SDK1: variants seen among roughly 807,000 people sequenced by gnomAD.
SDK1 encodes the protein protein sidekick-1.
SDK1 carries 157 observed loss-of-function variants against 245.5 expected under a neutral mutation model. The ratio of observed to expected loss-of-function variants is 0.64; its 90% confidence interval spans 0.56 to 0.73. The LOEUF is 0.73. Ranked by LOEUF, SDK1 falls within the 30% of genes least tolerant of loss-of-function variation. The pLI, the probability that SDK1 is intolerant of heterozygous loss-of-function variation, is 0.00. For missense variants in SDK1, 3,583 were observed against 3,002.3 expected (o/e 1.19, Z -4.52); for synonymous variants, 1,647 against 1,278.5 (o/e 1.29, Z -6.15).
At chr7:3,544,476 C>A (rs895492091) in intron 1 of SDK1, among the ~76,000 whole-genome samples, 10 of 152,212 alleles carry the variant, frequency 6.6e-5, no homozygotes, top group Admixed American at 3.3e-4. Flanking sequence ...AAGTCTTTCC[C>A]AGTCACTTCT....
At chr7:4,161,697 C>A in intron 31 of SDK1, 89 bp from the exon 32 acceptor site, 1 of 1,042,380 alleles carries the variant, frequency 9.6e-7, no homozygotes, top group Non-Finnish European at 1.5e-6. Context: ...GCTCACCAGC[C>A]TCCCCATACT....
At chr7:4,218,612 G>A (rs181621420) in intron 38 of SDK1, among the ~76,000 whole-genome samples, 93 of 152,280 alleles carry the variant, frequency 6.1e-4, no homozygotes, top group African/African-American at 2.2e-3. Flanking sequence ...GATGACTGGG[G>A]TATTCCAGGT....
intron 38 of SDK1, among the ~76,000 whole-genome samples, chr7:4,214,222 T>A (rs1287032043): frequency 1.3e-5 from 2 of 151,772 alleles, no homozygotes; most frequent in East Asian, 3.9e-4. Context: ...CTGGAGCACT[T>A]GTGTTTCTGA....
intron 5 of SDK1, among the ~76,000 whole-genome samples, chr7:3,823,320 A>T (rs1043153722): frequency 2.0e-5 from 3 of 152,232 alleles, no homozygotes; most frequent in African/African-American, 7.2e-5. Context: ...TCTGTACTCA[A>T]TTGTAATATA....
At chr7:3,537,544 C>A (rs1778923185) in intron 1 of SDK1, among the ~76,000 whole-genome samples, 1 of 152,194 alleles carries the variant, frequency 6.6e-6, no homozygotes, top group Admixed American at 6.5e-5. Context: ...CATTGTGGCA[C>A]CATGACTCTT....
chr7:3,626,339 A>C (rs1013780643), intron 2 of SDK1, among the ~76,000 whole-genome samples: 1 of 152,234 alleles, frequency 6.6e-6, no homozygotes, highest in African/African-American at 2.4e-5. Flanking sequence ...AATTCATGAA[A>C]GAGTCCCTTC....
intron 1 of SDK1, among the ~76,000 whole-genome samples, chr7:3,609,843 C>T (rs758935904): frequency 6.6e-6 from 1 of 151,958 alleles, no homozygotes; most frequent in Non-Finnish European, 1.5e-5. Context: ...TGGGACCACA[C>T]GCACACACCA....
At chr7:3,676,806 T>C (rs182203034) in intron 4 of SDK1, among the ~76,000 whole-genome samples, 1 of 152,334 alleles carries the variant, frequency 6.6e-6, no homozygotes, top group Non-Finnish European at 1.5e-5. Flanking sequence ...TTTGTTGACT[T>C]TGTTGATCAG....
intron 4 of SDK1, among the ~76,000 whole-genome samples, chr7:3,649,708 G>A (rs1782947963): frequency 6.6e-6 from 1 of 152,106 alleles, no homozygotes; most frequent in Non-Finnish European, 1.5e-5. Context: ...TTCCTGATGA[G>A]AACTAAGGCA....
At chr7:3,404,329 C>G (rs1453060419) in intron 1 of SDK1, among the ~76,000 whole-genome samples, 1 of 152,140 alleles carries the variant, frequency 6.6e-6, no homozygotes, top group Non-Finnish European at 1.5e-5. Context: ...TAGCTGCAAA[C>G]AGTAGATTTC....
intron 5 of SDK1, among the ~76,000 whole-genome samples, chr7:3,861,077 A>G (rs1263778172): frequency 1.3e-5 from 2 of 152,212 alleles, no homozygotes; most frequent in South Asian, 4.1e-4. Flanking sequence ...ATGAATGTCC[A>G]AGCTCTGTAA....
At chr7:3,487,902 A>G (rs17150661) in intron 1 of SDK1, among the ~76,000 whole-genome samples, 14,842 of 152,122 alleles carry the variant, frequency 0.098, 1,003 homozygotes, top group African/African-American at 0.19. Flanking sequence ...AATGAAAAAT[A>G]GGTAAGGTAT....
intron 1 of SDK1, among the ~76,000 whole-genome samples, chr7:3,573,305 A>C (rs1376507370): frequency 6.6e-6 from 1 of 152,152 alleles, no homozygotes; most frequent in South Asian, 2.1e-4. Flanking sequence ...CTGCACAGGC[A>C]GAAGAACACA....
Position 3,479,528 on chromosome 7 carries a change from A to G in SDK1, c.299-139552A>G, listed in dbSNP as rs113170375. On this transcript the variant is annotated intron_variant, in intron 1 of 44. Transcript: ENST00000404826. ...GTCTAAATTGTCAATATATTTAATG[A>G]TTGTTTTTGCTCTGATTAGCAATTA... Among the ~76,000 whole-genome samples, 8 of 151,498 alleles carry G rather than the reference A, an allele frequency of 5.3e-5. 1 individual carries two copies. Among genetic ancestry groups the G allele is most frequent in the South Asian group, 4.2e-4 (2 of 4,788 alleles).
At chr7:3,403,869 A>ATATATAAT (rs1554266408) in intron 1 of SDK1, among the ~76,000 whole-genome samples, 1 of 88,900 alleles carries the variant, frequency 1.1e-5, no homozygotes, top group Non-Finnish European at 2.2e-5. Flanking sequence ...ATATATATAT[A>ATATATAAT]ATATATATAT....
Position 3,446,624 on chromosome 7 carries a change from C to T in SDK1, c.298+144740C>T, listed in dbSNP as rs147970783. On this transcript the variant is annotated intron_variant, in intron 1 of 44. Coordinates refer to ENST00000404826, the MANE Select transcript of SDK1 (RefSeq NM_152744.4). ...TCTGCTTTTAATTTCATTTTCTCAC[C>T]GTGCATTATAAAATAGCATTTGTAG... is the stretch of plus-strand genomic sequence containing the variant. Among the ~76,000 whole-genome samples, 422 of 152,188 alleles carry T rather than the reference C, an allele frequency of 2.8e-3. 5 individuals are homozygous for T. Among genetic ancestry groups the T allele is most frequent in the African/African-American group, 9.5e-3 (394 of 41,538 alleles).
rs768587966 is a variant in SDK1 at position 4,208,175 on chromosome 7, G to C, written c.5291G>C (p.Arg1764Thr). ...CTCTTCCTCCCCGAGCCCGTGGTGA[G>C]GCTGAAGAACCTGACCAGCCATACC... is the stretch of plus-strand genomic sequence containing the variant. ...KVLFLPEPVV[R>T]LKNLTSHTKY... Residue 1764 changes from arginine (R) to threonine (T), a missense_variant, in exon 37 of 45, where the codon AGG (arginine) becomes ACG (threonine). Coordinates refer to ENST00000404826, the MANE Select transcript of SDK1 (RefSeq NM_152744.4). The C allele has an allele frequency of 3.1e-6, 5 of 1,614,082 alleles. No individual in the cohort carries two copies. The highest frequency in any genetic ancestry group is 4.2e-6 in the Non-Finnish European group (5 of 1,179,996).
chr7:4,220,267 G>A lies in SDK1; in HGVS notation c.5698G>A (p.Glu1900Lys), dbSNP rs200608621. 131 of 1,612,752 alleles carry A rather than the reference G, an allele frequency of 8.1e-5. No individual in the cohort carries two copies. Among genetic ancestry groups the A allele is most frequent in the African/African-American group, 3.9e-4 (29 of 75,000 alleles). Residue 1900 changes from glutamate to lysine, a missense_variant, in exon 39 of 45, where the codon GAG (glutamate) becomes AAG (lysine). Glu to Lys is a moderately conservative substitution (Grantham distance 56, BLOSUM62 1). Coordinates refer to ENST00000404826, the MANE Select transcript of SDK1 (RefSeq NM_152744.4). Reference sequence around the variant, plus strand: ...AGCCAATATCACAGCCGGGCCAGCCGAGGGTAAGTGGAACTCCAGGGGCAG... The same window carrying A: ...AGCCAATATCACAGCCGGGCCAGCCAAGGGTAAGTGGAACTCCAGGGGCAG... ...LQANITAGPA[E>K]GSPGSPRDVL...
intron 40 of SDK1, among the ~76,000 whole-genome samples, chr7:4,226,802 T>G (rs1785474203): frequency 6.6e-6 from 1 of 152,244 alleles, no homozygotes; most frequent in Admixed American, 6.5e-5. Context: ...ACTGGGTAGA[T>G]CATGAAGCCT....
Sources: gnomAD v4.1 joint callset for allele counts (sites outside exome capture counted in the v4.1 genomes callset) on GRCh38, gnomAD v4.1.1 for gene constraint, MANE v1.5 for transcripts, NCBI Gene and HGNC (gene_info 2026-07-23, HGNC 2026-07-21) for gene names.